Variants in IL1RAPL1 observed in about 807,000 individuals in gnomAD.
The protein encoded by IL1RAPL1 is interleukin 1 receptor accessory protein like 1, also known as interleukin-1 receptor accessory protein-like 1.
In IL1RAPL1, 3 loss-of-function variants were observed where a neutral mutation model predicts 48.4. That is an observed-to-expected ratio of 0.06 (90% CI 0.03 to 0.16). IL1RAPL1 has a LOEUF of 0.16. Ranked by LOEUF, IL1RAPL1 falls within the 10% of genes least tolerant of loss-of-function variation. The pLI is 1.00. For missense variants in IL1RAPL1, 349 were observed against 530.6 expected (o/e 0.66, Z 3.36); for synonymous variants, 185 against 187.7 (o/e 0.99, Z 0.12).
chrX:29,442,222 A>G (rs1360062816), intron 5 of IL1RAPL1, among the ~76,000 whole-genome samples: 3 of 111,940 alleles, frequency 2.7e-5, no homozygotes, highest in African/African-American at 9.7e-5. Flanking sequence ...ACATAGACCA[A>G]TGGAACAGAA....
At chrX:29,584,955 T>G (rs1420988958) in intron 5 of IL1RAPL1, among the ~76,000 whole-genome samples, 7 of 112,249 alleles carry the variant, frequency 6.2e-5, no homozygotes, top group Non-Finnish European at 1.3e-4. Flanking sequence ...ACTTGCCTGT[T>G]TTTCCTTCTA....
At chrX:29,739,719 C>G (rs1928146598) in intron 6 of IL1RAPL1, among the ~76,000 whole-genome samples, 2 of 111,006 alleles carry the variant, frequency 1.8e-5, no homozygotes, top group Non-Finnish European at 3.8e-5. Flanking sequence ...TTTAGAGTAC[C>G]TTGCTCTTCA....
intron 6 of IL1RAPL1, among the ~76,000 whole-genome samples, chrX:29,841,607 A>T (rs1931137300): frequency 9.0e-6 from 1 of 111,690 alleles, no homozygotes; most frequent in Non-Finnish European, 1.9e-5. Context: ...TGATACAAAG[A>T]TGATAAACCA....
intron 1 of IL1RAPL1, among the ~76,000 whole-genome samples, chrX:28,701,598 C>T (rs1042946753): frequency 2.7e-5 from 3 of 111,739 alleles, no homozygotes; most frequent in African/African-American, 9.7e-5. Context: ...CTCTGATTTC[C>T]ATTTTAGAAA....
chrX:29,512,125 C>T (rs1250317753), intron 5 of IL1RAPL1, among the ~76,000 whole-genome samples: 1 of 110,439 alleles, frequency 9.1e-6, no homozygotes, highest in Non-Finnish European at 1.9e-5. Context: ...TTCTATTTAG[C>T]TTCTTAATTA....
chrX:29,142,934 A>G (rs1255956403), intron 2 of IL1RAPL1, among the ~76,000 whole-genome samples: 1 of 111,143 alleles, frequency 9.0e-6, no homozygotes, highest in African/African-American at 3.3e-5. Context: ...ACCTCAAGTG[A>G]TCTGCCTGCC....
chrX:28,792,851 A>ATATATAT (rs1491269024), intron 2 of IL1RAPL1, among the ~76,000 whole-genome samples: 2 of 27,835 alleles, frequency 7.2e-5, no homozygotes, highest in East Asian at 2.0e-3. Context: ...ATATATATAT[A>ATATATAT]AAAAATAAGG....
intron 6 of IL1RAPL1, among the ~76,000 whole-genome samples, chrX:29,873,386 CCCA>C (rs965327702): frequency 1.0e-4 from 11 of 106,178 alleles, no homozygotes; most frequent in African/African-American, 3.9e-4. Context: ...GTGCCCCCCC[CCCA>C]ATTATATGTT....
At chrX:29,484,667 T>C (rs1018650665) in intron 5 of IL1RAPL1, among the ~76,000 whole-genome samples, 1 of 111,589 alleles carries the variant, frequency 9.0e-6, no homozygotes, top group African/African-American at 3.3e-5. Flanking sequence ...AGAAAGTGCA[T>C]GTTGAAATCG....
At chrX:29,652,315 G>A (rs1053116665) in intron 5 of IL1RAPL1, among the ~76,000 whole-genome samples, 2 of 111,655 alleles carry the variant, frequency 1.8e-5, no homozygotes, top group East Asian at 2.8e-4. Context: ...TCTTAAAGGC[G>A]GGACAGAGGT....
At chrX:29,410,011 G>A (rs1934122317) in intron 5 of IL1RAPL1, among the ~76,000 whole-genome samples, 1 of 109,432 alleles carries the variant, frequency 9.1e-6, no homozygotes, top group African/African-American at 3.3e-5. Flanking sequence ...TAGTAGAGAC[G>A]GGTTTTCTCC....
rs953248273 is a variant in IL1RAPL1 at position 29,015,540 on chromosome X, A to C, written c.82+226115A>C. Among the ~76,000 whole-genome samples, 3 of 111,322 alleles carry C rather than the reference A, an allele frequency of 2.7e-5. No individual in the cohort carries two copies. The Admixed American group carries it at 2.9e-4, about 11-fold the overall frequency. On this transcript the variant is annotated intron_variant, in intron 2 of 10. Transcript: ENST00000378993. Reference sequence around the variant, plus strand: ...TAATTAAAAGTGAGTACTAAGAAATACCTTATATTAGACTTAAGCCTCCCT... The same window carrying C: ...TAATTAAAAGTGAGTACTAAGAAATCCCTTATATTAGACTTAAGCCTCCCT...
At chrX:29,010,129 C>A (rs1233127042) in intron 2 of IL1RAPL1, among the ~76,000 whole-genome samples, 1 of 112,083 alleles carries the variant, frequency 8.9e-6, no homozygotes, top group East Asian at 2.8e-4. Context: ...TTACTGAAGT[C>A]ATTTATCAGT....
At chrX:29,066,518 A>G (rs1927454058) in intron 2 of IL1RAPL1, among the ~76,000 whole-genome samples, 1 of 112,223 alleles carries the variant, frequency 8.9e-6, no homozygotes, top group Non-Finnish European at 1.9e-5. Context: ...TTGGAAGCCA[A>G]TTTTGCTCCA....
chrX:29,488,373 G>C (rs1935119020), intron 5 of IL1RAPL1, among the ~76,000 whole-genome samples: 1 of 112,097 alleles, frequency 8.9e-6, no homozygotes, highest in South Asian at 3.7e-4. Context: ...AGGAGGCAGA[G>C]GTTGCAGTGA....
chrX:29,613,740 T>C (rs1301671083), intron 5 of IL1RAPL1, among the ~76,000 whole-genome samples: 3 of 97,477 alleles, frequency 3.1e-5, no homozygotes, highest in African/African-American at 1.2e-4. Flanking sequence ...TGTGTGTGTG[T>C]GTGTGTGTGT....
At chrX:28,781,318 AT>A (rs770502660) in intron 1 of IL1RAPL1, among the ~76,000 whole-genome samples, 5 of 101,960 alleles carry the variant, frequency 4.9e-5, no homozygotes, top group South Asian at 4.2e-4. Flanking sequence ...TTTTATTTTT[AT>A]TTTTTTTTGT....
At chrX:29,610,367 G>C in intron 5 of IL1RAPL1, among the ~76,000 whole-genome samples, 1 of 111,720 alleles carries the variant, frequency 9.0e-6, no homozygotes, top group Admixed American at 9.5e-5. Flanking sequence ...ATGGTGGCCA[G>C]AATTGCTTTC....
intron 6 of IL1RAPL1, among the ~76,000 whole-genome samples, chrX:29,743,848 A>G: frequency 8.9e-6 from 1 of 112,333 alleles, no homozygotes. Flanking sequence ...ATATTAGGTT[A>G]GCATTAATTT....
Sources: allele counts gnomAD v4.1 joint callset (sites outside exome capture counted in the v4.1 genomes callset), GRCh38; gene constraint gnomAD v4.1.1; transcripts MANE v1.5; gene names NCBI Gene and HGNC (gene_info 2026-07-23, HGNC 2026-07-21).